Variants in MUC17 observed in about 807,000 individuals in gnomAD.
The protein encoded by MUC17 is mucin-17.
A neutral mutation model predicts 170.3 loss-of-function variants in MUC17; 190 were observed. The observed-to-expected ratio is 1.12, with a 90% CI of 0.99 to 1.26. MUC17 has a LOEUF of 1.26. Among genes scored for constraint, MUC17 ranks in the 50% most tolerant of loss-of-function variants. The pLI, the probability that MUC17 is intolerant of heterozygous loss-of-function variation, is 0.00. For synonymous variants in MUC17, 2,325 were observed against 2,002.5 expected (o/e 1.16, Z -4.30); for missense variants, 6,415 against 5,530.0 (o/e 1.16, Z -5.08).
At chr7:101,052,079 T>A in intron 9 of MUC17, 117 bp downstream of exon 9, 3 of 1,209,358 alleles carry the variant, frequency 2.5e-6, no homozygotes, top group Non-Finnish European at 3.5e-6. Flanking sequence ...GGTCCCAGCG[T>A]CTCCTGAATG....
At position 101,020,233 on chromosome 7, in the gene MUC17, GC is replaced by G. The variant is rs546845131; in HGVS notation, c.82+20del. ...GCAGAACAGGGTGAGTGACCCCCAC[GC>G]CCCGCTGCCCAAGAGGCCCCCATCC... On this transcript the variant is annotated intron_variant, in intron 1 of 12. Transcript: ENST00000306151. 258 of 1,595,750 alleles carry G rather than the reference GC, an allele frequency of 1.6e-4. No individual in the cohort carries two copies. The African/African-American group carries it at 2.7e-3, about 17-fold the overall frequency.
In MUC17 at chr7:101,036,966, A is replaced by G. The variant is rs748646934; in HGVS notation, c.5550A>G (p.Thr1850=). ...VTSTAVSSSP[T]PAEGTSIATS... is the part of the protein sequence containing the mutation. ...CTACAGCAGTCAGTTCATCTCCTAC[A>G]CCTGCTGAAGGTACCAGCATAGCAA... Residue 1850 remains threonine, a synonymous_variant, in exon 3 of 13, where the codon ACA becomes ACG. Coordinates refer to ENST00000306151, the MANE Select transcript of MUC17 (RefSeq NM_001040105.2). 1 of 1,584,216 alleles carries G rather than the reference A, an allele frequency of 6.3e-7. No homozygotes were observed. The highest frequency in any genetic ancestry group is 8.5e-7 in the Non-Finnish European group (1 of 1,179,050).
chr7:101,030,250 T>C (rs1232564721), intron 1 of MUC17, among the ~76,000 whole-genome samples: 1 of 145,646 alleles, frequency 6.9e-6, no homozygotes, highest in Non-Finnish European at 1.5e-5. Flanking sequence ...TTTTTTTGAG[T>C]CTTGCCCTGT....
Position 101,040,882 on chromosome 7 carries a change from A to G in MUC17, c.9466A>G (p.Thr3156Ala). The G allele has an allele frequency of 6.2e-7, 1 of 1,613,408 alleles. No individual in the cohort carries two copies. The highest frequency in any genetic ancestry group is 1.3e-5 in the African/African-American group (1 of 74,694). The part of the protein sequence containing the change: ...PTTSEGTSMP[T>A]STPSEGSTPL... ...AACTTCTGAAGGTACCAGCATGCCA[A>G]CCTCAACTCCTAGTGAAGGAAGTAC... Residue 3156 changes from threonine (T) to alanine (A), a missense_variant, in exon 3 of 13, where the codon ACC becomes GCC. Transcript: ENST00000306151.
At chr7:101,024,975 T>A (rs560007984) in intron 1 of MUC17, among the ~76,000 whole-genome samples, 1 of 151,744 alleles carries the variant, frequency 6.6e-6, no homozygotes, top group East Asian at 1.9e-4. Context: ...AGCACCCCAC[T>A]TGAGGACTGC....
At chr7:101,054,127 C>A (rs1795008733) in intron 11 of MUC17, among the ~76,000 whole-genome samples, 1 of 139,922 alleles carries the variant, frequency 7.1e-6, no homozygotes, top group South Asian at 2.5e-4. Context: ...GACCCTGAGG[C>A]TTATAGAGTG....
intron 11 of MUC17, among the ~76,000 whole-genome samples, 156 bp from the exon 12 acceptor site, chr7:101,056,038 A>T (rs974500151): frequency 1.3e-5 from 2 of 152,218 alleles, no homozygotes. Context: ...CTGCTGAGTC[A>T]GGTAATGTTG....
In MUC17 at chr7:101,036,354, T is replaced by C. The variant is rs1794477775; in HGVS notation, c.4938T>C (p.Pro1646=). ...IPVSTTPVAS[P]EASTLSTTPV... is the part of the protein sequence containing the mutation. ...TCAGCACCACGCCGGTGGCCAGTCC[T>C]GAGGCTAGCACCCTTTCAACAACTC... Residue 1646 remains proline, a synonymous_variant, in exon 3 of 13, where the codon CCT becomes CCC. Coordinates refer to ENST00000306151, the MANE Select transcript of MUC17 (RefSeq NM_001040105.2). The C allele has an allele frequency of 6.2e-7, 1 of 1,613,552 alleles. No homozygotes were observed. The highest frequency in any genetic ancestry group is 8.5e-7 in the Non-Finnish European group (1 of 1,179,798).
chr7:101,043,713 C>T lies in MUC17; in HGVS notation c.12297C>T (p.Ser4099=). Reference sequence around the variant, plus strand: ...CCATGACCACCAGGACAAAACCCAGCACACGGACCACTTCCTTCCCCACGG... The same window carrying T: ...CCATGACCACCAGGACAAAACCCAGTACACGGACCACTTCCTTCCCCACGG... ...VTTMTTRTKP[S]TRTTSFPTVT... The change falls in exon 3 of 13, where the codon AGC becomes AGT. Residue 4099 remains serine (S), a synonymous_variant. Coordinates refer to ENST00000306151, the MANE Select transcript of MUC17 (RefSeq NM_001040105.2). 6.2e-7 allele frequency: 1 copy of T among 1,614,224 alleles called. No individual in the cohort carries two copies. The highest frequency in any genetic ancestry group is 8.5e-7 in the Non-Finnish European group (1 of 1,180,048).
intron 3 of MUC17, among the ~76,000 whole-genome samples, chr7:101,044,564 CT>C (rs1794801057): frequency 6.6e-6 from 1 of 152,174 alleles, no homozygotes; most frequent in Non-Finnish European, 1.5e-5. Context: ...ACAAGTTCCC[CT>C]TTTTTGAACA....
intron 11 of MUC17, 100 bp downstream of exon 11, chr7:101,053,536 G>A (rs918674232): frequency 3.4e-6 from 3 of 880,996 alleles, no homozygotes; most frequent in African/African-American, 3.3e-5. Flanking sequence ...GAAAGGCCAA[G>A]GCAGGAGTAT....
chr7:101,052,843 C>T (rs1255818807), intron 9 of MUC17, 143 bp from the exon 10 acceptor site: 40 of 871,470 alleles, frequency 4.6e-5, no homozygotes, highest in Non-Finnish European at 6.4e-5. Context: ...CTCTGTTCAT[C>T]CCCTCGGGGT....
At position 101,034,101 on chromosome 7, in the gene MUC17, T is replaced by G. The variant is rs770083631; in HGVS notation, c.2685T>G (p.Pro895=). ...LSTTPVDTST[P]VTNSTEARSS... Reference sequence around the variant, plus strand: ...CAACTCCTGTTGACACCAGCACACCTGTGACCAATTCTACTGAAGCCCGTT... The same window carrying G: ...CAACTCCTGTTGACACCAGCACACCGGTGACCAATTCTACTGAAGCCCGTT... Residue 895 remains proline (P), a synonymous_variant, in exon 3 of 13, where the codon CCT becomes CCG. Coordinates refer to ENST00000306151, the MANE Select transcript of MUC17 (RefSeq NM_001040105.2). 38 of 1,585,164 alleles carry G rather than the reference T, an allele frequency of 2.4e-5. No homozygotes were observed. The highest frequency in any genetic ancestry group is 3.1e-5 in the Non-Finnish European group (36 of 1,165,050).
In MUC17 at chr7:101,036,028, C is replaced by T. The variant is rs746436897; in HGVS notation, c.4612C>T (p.Pro1538Ser). ...SSEINSLSTT[P>S]AVTSTPVTTY... ...TGAAATCAACAGCCTTTCAACAACT[C>T]CTGCTGTCACCAGCACACCTGTGAC... The change falls in exon 3 of 13, where the codon CCT becomes TCT. Residue 1538 changes from proline to serine, a missense_variant. Transcript: ENST00000306151. The T allele has an allele frequency of 3.7e-6, 6 of 1,612,118 alleles. No homozygotes were observed. Among genetic ancestry groups the T allele is most frequent in the Non-Finnish European group, 3.4e-6 (4 of 1,178,934 alleles).
In MUC17 at chr7:101,038,928, C is replaced by T. The variant is rs1388017110; in HGVS notation, c.7512C>T (p.Val2504=). The change falls in exon 3 of 13, where the codon GTC becomes GTT. Residue 2504 remains valine, a synonymous_variant. Coordinates refer to ENST00000306151, the MANE Select transcript of MUC17 (RefSeq NM_001040105.2). ...SSSPTTAEDI[V]VPISTASEGS... ...CTCCTACAACTGCTGAAGATATCGT[C>T]GTGCCAATCTCAACTGCTAGTGAAG... 6 of 1,614,062 alleles carry T rather than the reference C, an allele frequency of 3.7e-6. No homozygotes were observed. The highest frequency in any genetic ancestry group is 4.2e-6 in the Non-Finnish European group (5 of 1,180,008).
In MUC17 at chr7:101,053,351, A is replaced by T; in HGVS notation, c.13278A>T (p.Arg4426Ser). 1 of 1,614,038 alleles carries T rather than the reference A, an allele frequency of 6.2e-7. No homozygotes were observed. The highest frequency in any genetic ancestry group is 1.7e-5 in the Admixed American group (1 of 60,016). Residue 4426 changes from arginine (R) to serine (S), a missense_variant, in exon 11 of 13, where the codon AGA (arginine) becomes AGT (serine). Coordinates refer to ENST00000306151, the MANE Select transcript of MUC17 (RefSeq NM_001040105.2). ...TTTCCATCACTAGGCAAAAGTACAG[A>T]TTGTCTCAGTTATACAAGTGGCAAG... ...SKREVKRQKY[R>S]LSQLYKWQEE...
intron 1 of MUC17, among the ~76,000 whole-genome samples, chr7:101,027,377 C>T (rs1010277443): frequency 2.0e-5 from 3 of 151,944 alleles, no homozygotes; most frequent in Non-Finnish European, 4.4e-5. Context: ...AGTGATCCAC[C>T]GCCCCTTGGT....
At position 101,043,652 on chromosome 7, in the gene MUC17, C is replaced by A. The variant is rs1794777813; in HGVS notation, c.12236C>A (p.Ala4079Asp). Residue 4079 changes from alanine (A) to aspartate (D), a missense_variant, in exon 3 of 13, where the codon GCC becomes GAC. Transcript: ENST00000306151. Reference sequence around the variant, plus strand: ...TCCAGTACACCTCCAACAACCTCTGCCTCCTCCACGACTGTGAACCCTGAG... The same window carrying A: ...TCCAGTACACCTCCAACAACCTCTGACTCCTCCACGACTGTGAACCCTGAG... Reference protein sequence around the residue: ...AHSSTPPTTSASSTTVNPEAV... With the variant: ...AHSSTPPTTSDSSTTVNPEAV... 6.2e-7 allele frequency: 1 copy of A among 1,614,180 alleles called. No individual in the cohort carries two copies. The highest frequency in any genetic ancestry group is 1.3e-5 in the African/African-American group (1 of 75,046).
chr7:101,033,458 C>T lies in MUC17; in HGVS notation c.2042C>T (p.Ser681Leu), dbSNP rs1432733188. ...GCGGAAGGTACCAGCATGCCAACCT[C>T]AACTTATACTGAAGGAAGCACTCCA... ...TTAEGTSMPT[S>L]TYTEGSTPLT... is the part of the protein sequence containing the mutation. Residue 681 changes from serine (S) to leucine (L), a missense_variant, in exon 3 of 13, where the codon TCA (serine) becomes TTA (leucine). Transcript: ENST00000306151. 3.7e-6 allele frequency: 6 copies of T among 1,613,592 alleles called. No homozygotes were observed. Among genetic ancestry groups the T allele is most frequent in the Non-Finnish European group, 5.1e-6 (6 of 1,179,746 alleles).
Sources: gnomAD v4.1 joint callset for allele counts (sites outside exome capture counted in the v4.1 genomes callset) on GRCh38, gnomAD v4.1.1 for gene constraint, MANE v1.5 for transcripts, NCBI Gene and HGNC (gene_info 2026-07-23, HGNC 2026-07-21) for gene names.